Variants in DCC observed in about 807,000 individuals in gnomAD.
DCC encodes netrin receptor DCC.
In DCC, 58 loss-of-function variants were observed where a neutral mutation model predicts 172.5. The ratio of observed to expected loss-of-function variants is 0.34; its 90% CI spans 0.27 to 0.42. The LOEUF (loss-of-function observed/expected upper bound fraction) is 0.42. DCC is among the 10% of genes least tolerant of loss of function. The pLI, the probability that DCC is intolerant of heterozygous loss-of-function variation, is 1.00. For synonymous variants in DCC, 709 were observed against 644.5 expected, an observed-to-expected ratio of 1.10 and a Z score of -1.52; for missense variants, 1,740 against 1,791.0, an observed-to-expected ratio of 0.97 and a Z score of 0.51.
At chr18:52,497,443 G>A (rs16955081) in intron 1 of DCC, among the ~76,000 whole-genome samples, 8,052 of 80,464 alleles carry the variant, frequency 0.1, 280 homozygotes, top group South Asian at 0.22. Context: ...ATATAAAGAG[G>A]AACAACATAA....
intron 12 of DCC, among the ~76,000 whole-genome samples, chr18:53,279,391 G>A (rs1258306006): frequency 3.3e-5 from 5 of 150,084 alleles, no homozygotes; most frequent in South Asian, 4.2e-4. Flanking sequence ...GCAAACTATC[G>A]CAAGGACAAA....
intron 27 of DCC, among the ~76,000 whole-genome samples, chr18:53,504,142 T>G (rs575759669): frequency 1.3e-5 from 2 of 152,338 alleles, no homozygotes; most frequent in Non-Finnish European, 2.9e-5. Context: ...TGTAACCTGA[T>G]CTTTTTGGCA....
chr18:52,374,127 C>T (rs1985246385), intron 1 of DCC, among the ~76,000 whole-genome samples: 1 of 151,750 alleles, frequency 6.6e-6, no homozygotes, highest in African/African-American at 2.4e-5. Flanking sequence ...CTCCTGACCT[C>T]GTGATCTGCC....
rs2045643086 is a variant in DCC, at chr18:53,468,000, C to T, written c.3726C>T (p.Ser1242=). The T allele has an allele frequency of 6.4e-7, 1 of 1,561,488 alleles. No individual in the cohort carries two copies. Among genetic ancestry groups the T allele is most frequent in the Non-Finnish European group, 8.8e-7 (1 of 1,132,248 alleles). The change falls in exon 25 of 29, where the codon TCC becomes TCT. Residue 1242 remains serine (S), a synonymous_variant. Transcript: ENST00000442544. The stretch of plus-strand genomic sequence containing the variant: ...TCATGATTCCCATGGATGCCCAGTC[C>T]AACAATCCTGGTGAGTCAATATTGG... ...AKLMIPMDAQ[S]NNPAVVSAIP...
chr18:52,683,229 G>C (rs898591126), intron 1 of DCC, among the ~76,000 whole-genome samples: 1 of 152,066 alleles, frequency 6.6e-6, no homozygotes, highest in Non-Finnish European at 1.5e-5. Context: ...GTAGGTAGTG[G>C]TTCCAGGTTT....
chr18:53,260,298 G>T (rs2056579253), intron 12 of DCC, among the ~76,000 whole-genome samples: 1 of 152,042 alleles, frequency 6.6e-6, no homozygotes, highest in African/African-American at 2.4e-5. Flanking sequence ...AGAGTTTCCA[G>T]TTTTTCTGCT....
chr18:52,692,168 C>G (rs1410835159), intron 1 of DCC, among the ~76,000 whole-genome samples: 2 of 152,078 alleles, frequency 1.3e-5, no homozygotes, highest in Non-Finnish European at 2.9e-5. Context: ...CCTCCCTCAA[C>G]CCACCCAAAC....
In DCC at chr18:52,682,770, T is replaced by C. The variant is rs758989955; in HGVS notation, c.92-69284T>C. On this transcript the variant is annotated intron_variant, in intron 1 of 28. Coordinates refer to ENST00000442544, the MANE Select transcript of DCC (RefSeq NM_005215.4). Reference sequence around the variant, plus strand: ...GGTGGATAATGACTGGGGGAAGGGTTACTAGTTTATAGAGAGTAGTTGGTA... The same window carrying C: ...GGTGGATAATGACTGGGGGAAGGGTCACTAGTTTATAGAGAGTAGTTGGTA... Among the ~76,000 whole-genome samples the C allele has an allele frequency of 6.9e-4, 105 of 152,084 alleles. 1 individual carries two copies. The highest frequency in any genetic ancestry group is 1.8e-4 in the Non-Finnish European group (12 of 67,994).
chr18:52,483,821 C>A (rs2030077163), intron 1 of DCC, among the ~76,000 whole-genome samples: 1 of 151,918 alleles, frequency 6.6e-6, no homozygotes, highest in Non-Finnish European at 1.5e-5. Context: ...ATCTCTCTTT[C>A]TGGAGATCCT....
At chr18:53,137,405 G>T (rs141480198) in intron 7 of DCC, among the ~76,000 whole-genome samples, 3 of 152,178 alleles carry the variant, frequency 2.0e-5, no homozygotes, top group Admixed American at 6.5e-5. Flanking sequence ...GCCACTCAGC[G>T]TTCCTGGCCA....
intron 12 of DCC, among the ~76,000 whole-genome samples, chr18:53,242,453 A>G (rs2056309989): frequency 6.6e-6 from 1 of 152,172 alleles, no homozygotes; most frequent in Non-Finnish European, 1.5e-5. Flanking sequence ...CATTTTCCCA[A>G]GTAAGTTGAA....
rs539361992 is a variant in DCC at position 52,639,633 on chromosome 18, G to A, written c.92-112421G>A. ...GGAAGAATTAGATACCCTGAACAGAGCAATAACAAGCAGTGAGACTGAACA... is the reference window on the plus strand; with the variant it reads ...GGAAGAATTAGATACCCTGAACAGAACAATAACAAGCAGTGAGACTGAACA... On this transcript the variant is annotated intron_variant, in intron 1 of 28. Coordinates refer to ENST00000442544, the MANE Select transcript of DCC (RefSeq NM_005215.4). 7.2e-5 allele frequency among the ~76,000 whole-genome samples: 11 copies of A among 152,040 alleles called. No individual in the cohort carries two copies. The East Asian group carries it at 1.5e-3, about 21-fold the overall frequency.
chr18:53,136,788 AAAATGAGG>A (rs2043749848), intron 7 of DCC, among the ~76,000 whole-genome samples: 1 of 152,206 alleles, frequency 6.6e-6, no homozygotes, highest in Admixed American at 6.5e-5. Context: ...AGTTGTTTTA[AAAATGAGG>A]AAATGTATGT....
intron 8 of DCC, among the ~76,000 whole-genome samples, chr18:53,176,511 G>A (rs1161981308): frequency 1.3e-5 from 2 of 150,528 alleles, no homozygotes; most frequent in Non-Finnish European, 3.0e-5. Flanking sequence ...ATCAAAAAGT[G>A]GGCAAAGGAC....
chr18:52,696,655 G>A (rs2036016374), intron 1 of DCC, among the ~76,000 whole-genome samples: 1 of 152,194 alleles, frequency 6.6e-6, no homozygotes, highest in Non-Finnish European at 1.5e-5. Context: ...TTCTAAGAGG[G>A]TGAAGTAGGA....
chr18:53,014,426 TCC>T (rs2041776914), intron 5 of DCC, among the ~76,000 whole-genome samples: 1 of 7,436 alleles, frequency 1.3e-4, no homozygotes, highest in Non-Finnish European at 3.4e-4. Flanking sequence ...ATGTTATCCC[TCC>T]CCCCTCCCCC....
At position 53,207,717 on chromosome 18, in the gene DCC, C is replaced by T; in HGVS notation, c.1761C>T (p.Gly587=). 1 of 1,613,434 alleles carries T rather than the reference C, an allele frequency of 6.2e-7. No homozygotes were observed. Among genetic ancestry groups the T allele is most frequent in the African/African-American group, 1.3e-5 (1 of 74,970 alleles). The change falls in exon 11 of 29, where the codon GGC becomes GGT. Residue 587 remains glycine (G), a synonymous_variant. Coordinates refer to ENST00000442544, the MANE Select transcript of DCC (RefSeq NM_005215.4). The part of the protein sequence containing the change: ...EVDGLSYKLE[G]LKKFTEYSLR... ...ATGGACTATCTTATAAACTGGAAGG[C>T]CTGAAAAAATTCACCGAATATAGTC...
chr18:52,883,318 A>AT (rs34290654), intron 2 of DCC, among the ~76,000 whole-genome samples: 18 of 133,160 alleles, frequency 1.4e-4, no homozygotes, highest in African/African-American at 5.3e-4. Context: ...TTTTATTTTT[A>AT]TTTTATTTTT....
At chr18:52,422,401 C>T (rs1987278817) in intron 1 of DCC, among the ~76,000 whole-genome samples, 1 of 152,102 alleles carries the variant, frequency 6.6e-6, no homozygotes, top group Non-Finnish European at 1.5e-5. Context: ...CAGGATTGTC[C>T]ACTCTGTTTT....
Sources: allele counts gnomAD v4.1 joint callset (sites outside exome capture counted in the v4.1 genomes callset), GRCh38; gene constraint gnomAD v4.1.1; transcripts MANE v1.5; gene names NCBI Gene and HGNC (gene_info 2026-07-23, HGNC 2026-07-21).